Variants in OR51B5 observed in about 807,000 individuals in gnomAD.
OR51B5 encodes the protein olfactory receptor 51B5.
For synonymous variants in OR51B5, 186 were observed against 144.8 expected (o/e 1.28, Z -2.04); for missense variants, 456 against 374.6 (o/e 1.22, Z -1.79).
intron 1 of OR51B5, among the ~76,000 whole-genome samples, chr11:5,371,012 TG>T (rs2133706790): frequency 6.6e-6 from 1 of 152,246 alleles, no homozygotes; most frequent in South Asian, 2.1e-4. Flanking sequence ...TACACATGAT[TG>T]GGGCTACCCA....
At chr11:5,379,514 T>A (rs1486212991) in intron 1 of OR51B5, among the ~76,000 whole-genome samples, 1 of 151,640 alleles carries the variant, frequency 6.6e-6, no homozygotes, top group East Asian at 1.9e-4. Flanking sequence ...CCAGTTTATT[T>A]TTTCAGGTTT....
At chr11:5,455,027 A>T (rs1324369085) in intron 1 of OR51B5, 1 of 152,308 alleles carries the variant, frequency 6.6e-6, no homozygotes, top group Non-Finnish European at 1.5e-5. Flanking sequence ...CATTGCTTTA[A>T]CTTCACAAAG....
intron 1 of OR51B5, among the ~76,000 whole-genome samples, chr11:5,486,195 T>C (rs1471603290): frequency 6.6e-6 from 1 of 152,206 alleles, no homozygotes; most frequent in Non-Finnish European, 1.5e-5. Context: ...AGCAAACTAA[T>C]ACAATGCCCT....
At chr11:5,474,701 T>C (rs953771172) in intron 1 of OR51B5, among the ~76,000 whole-genome samples, 2 of 152,228 alleles carry the variant, frequency 1.3e-5, no homozygotes, top group African/African-American at 2.4e-5. Context: ...TGGAAATTAA[T>C]AACATCACAC....
chr11:5,407,234 C>A (rs896775745), intron 1 of OR51B5, among the ~76,000 whole-genome samples: 26 of 152,114 alleles, frequency 1.7e-4, no homozygotes, highest in Admixed American at 1.6e-3. Context: ...ACACTTTTAT[C>A]TATGAATATT....
intron 1 of OR51B5, among the ~76,000 whole-genome samples, chr11:5,482,103 C>T (rs1307060052): frequency 8.4e-6 from 1 of 119,358 alleles, no homozygotes; most frequent in African/African-American, 3.7e-5. Context: ...TGACTTCAAA[C>T]TATACTACAA....
chr11:5,343,409 C>A, exon 1 of OR51B5: 2 of 1,612,688 alleles, frequency 1.2e-6, no homozygotes, highest in Non-Finnish European at 1.7e-6. Flanking sequence ...GGTGCCATTG[C>A]CAAAAAGGAT....
chr11:5,374,408 T>A, intron 1 of OR51B5, among the ~76,000 whole-genome samples: 1 of 151,864 alleles, frequency 6.6e-6, no homozygotes, highest in Non-Finnish European at 1.5e-5. Flanking sequence ...AACTGGAAAC[T>A]CTAAAAAGCA....
chr11:5,404,108 C>G (rs1850019140), intron 1 of OR51B5, among the ~76,000 whole-genome samples: 1 of 131,364 alleles, frequency 7.6e-6, no homozygotes, highest in Admixed American at 9.6e-5. Context: ...TTCTCCCATC[C>G]AGGTTGTGAG....
intron 1 of OR51B5, among the ~76,000 whole-genome samples, chr11:5,459,032 G>T (rs1851005766): frequency 6.6e-6 from 1 of 152,172 alleles, no homozygotes; most frequent in African/African-American, 2.4e-5. Context: ...CTTTGTTTCA[G>T]TTCTCAAAAG....
downstream of OR51B5, among the ~76,000 whole-genome samples, chr11:5,342,200 C>T (rs1023031476): frequency 2.0e-5 from 3 of 152,106 alleles, no homozygotes; most frequent in Non-Finnish European, 4.4e-5. Context: ...CATAGTAAAC[C>T]AAACTCTATT....
At chr11:5,454,049 T>TC in intron 1 of OR51B5, 1 of 1,614,180 alleles carries the variant, frequency 6.2e-7, no homozygotes, top group Non-Finnish European at 8.5e-7. Context: ...TGATGAGGCT[T>TC]GCCTGTGCTG....
rs367945570 is a variant in OR51B5, at chr11:5,351,502, CTGGCAATGG to C, written n.85-4601_85-4593del. Reference sequence around the variant, plus strand: ...AGTAAATATTTGCCTCTTTGCAAAGCTGGCAATGGGGCTCAATAAGTCTGCTTCCACCTT... The same window carrying C: ...AGTAAATATTTGCCTCTTTGCAAAGCGGCTCAATAAGTCTGCTTCCACCTT... On this transcript the variant is annotated intron_variant and non_coding_transcript_variant, in intron 1 of 4. Transcript: ENST00000415970. 2.2e-4 allele frequency: 355 copies of C among 1,600,422 alleles called. 2 individuals carry two copies. In the African/African-American group the frequency reaches 4.1e-3, roughly 18 times the overall value.
intron 1 of OR51B5, among the ~76,000 whole-genome samples, chr11:5,401,141 C>T (rs1849961883): frequency 1.3e-5 from 2 of 152,102 alleles, no homozygotes; most frequent in Admixed American, 1.3e-4. Context: ...TTTCTCTTTC[C>T]CTCTATTGCC....
intron 1 of OR51B5, among the ~76,000 whole-genome samples, chr11:5,494,210 C>T (rs547298302): frequency 6.6e-6 from 1 of 152,310 alleles, no homozygotes; most frequent in African/African-American, 2.4e-5. Flanking sequence ...TAATGTGTGG[C>T]AAGAAATAAC....
intron 1 of OR51B5, chr11:5,469,203 C>T (rs1851186018): frequency 6.1e-6 from 1 of 163,098 alleles, no homozygotes; most frequent in African/African-American, 2.5e-5. Flanking sequence ...AAGGACACAC[C>T]CAGGTCATTA....
intron 1 of OR51B5, among the ~76,000 whole-genome samples, chr11:5,478,695 C>A (rs1344545891): frequency 6.6e-6 from 1 of 151,504 alleles, no homozygotes; most frequent in Non-Finnish European, 1.5e-5. Context: ...AACCAAGGCT[C>A]AAGAACTACG....
At chr11:5,351,795 C>A in intron 1 of OR51B5, 1 of 1,613,972 alleles carries the variant, frequency 6.2e-7, no homozygotes, top group Non-Finnish European at 8.5e-7. Context: ...GAGCCTGCTT[C>A]TCTCAGGCCT....
intron 1 of OR51B5, among the ~76,000 whole-genome samples, chr11:5,432,802 T>C (rs1370620809): frequency 2.0e-5 from 3 of 152,174 alleles, no homozygotes; most frequent in African/African-American, 7.2e-5. Context: ...ACAGTTTAGA[T>C]TCATGATCTT....
Sources: gnomAD v4.1 joint callset for allele counts (sites outside exome capture counted in the v4.1 genomes callset) on GRCh38, gnomAD v4.1.1 for gene constraint, MANE v1.5 for transcripts, NCBI Gene and HGNC (gene_info 2026-07-23, HGNC 2026-07-21) for gene names.